The following TENM4 variants were observed in gnomAD, a reference collection of about 807,000 sequenced individuals.
TENM4 encodes the protein teneurin transmembrane protein 4, also known as teneurin-4.
Under a neutral mutation model 243.3 loss-of-function variants are expected in TENM4, and 82 were observed. The ratio of observed to expected loss-of-function variants is 0.34; its 90% CI spans 0.28 to 0.40. The LOEUF is 0.40. Ranked by LOEUF, TENM4 falls within the 10% of genes least tolerant of loss-of-function variation. The pLI, the probability that TENM4 is intolerant of heterozygous loss-of-function variation, is 1.00. For missense variants in TENM4, 3,138 were observed against 3,673.3 expected (o/e 0.85, Z 3.77); for synonymous variants, 1,412 against 1,456.3 (o/e 0.97, Z 0.69).
intron 12 of TENM4, among the ~76,000 whole-genome samples, chr11:78,836,179 G>A (rs1858109385): frequency 6.6e-6 from 1 of 151,002 alleles, no homozygotes; most frequent in South Asian, 2.1e-4. Context: ...CCAACATGGT[G>A]AAATCCTGTT....
At chr11:78,672,446 G>C (rs1858356152) in intron 30 of TENM4, 117 bp from the exon 31 acceptor site, 20 of 1,052,796 alleles carry the variant, frequency 1.9e-5, no homozygotes, top group Non-Finnish European at 2.7e-5. Flanking sequence ...AGGGAGCACA[G>C]TCCTGCGCAG....
chr11:79,171,262 T>G (rs2135116606), intron 3 of TENM4, among the ~76,000 whole-genome samples: 1 of 152,266 alleles, frequency 6.6e-6, no homozygotes, highest in African/African-American at 2.4e-5. Flanking sequence ...CCTCACCCAG[T>G]ATATGGTATT....
intron 10 of TENM4, among the ~76,000 whole-genome samples, chr11:78,856,554 G>A (rs1473993459): frequency 3.9e-5 from 6 of 152,170 alleles, no homozygotes; most frequent in South Asian, 4.2e-4. Context: ...AGGGGCTCAC[G>A]GTAAAATAGA....
At chr11:78,753,556 G>T (rs934251508) in intron 19 of TENM4, among the ~76,000 whole-genome samples, 1 of 152,176 alleles carries the variant, frequency 6.6e-6, no homozygotes, top group African/African-American at 2.4e-5. Flanking sequence ...AGCATCTGCT[G>T]CCTCATGTTT....
At chr11:79,432,851 G>A (rs189028916) in intron 1 of TENM4, among the ~76,000 whole-genome samples, 2 of 152,302 alleles carry the variant, frequency 1.3e-5, no homozygotes, top group East Asian at 3.9e-4. Context: ...GGATTTAGGA[G>A]CCAGAGAGGC....
At chr11:79,393,895 G>C (rs1033587662) in intron 1 of TENM4, among the ~76,000 whole-genome samples, 3 of 152,212 alleles carry the variant, frequency 2.0e-5, no homozygotes, top group Admixed American at 2.0e-4. Flanking sequence ...CTGGCAGTGG[G>C]GGGTTGGAGG....
chr11:79,164,014 A>G (rs1462350196), intron 3 of TENM4, among the ~76,000 whole-genome samples: 1 of 69,034 alleles, frequency 1.4e-5, no homozygotes, highest in Non-Finnish European at 3.0e-5. Context: ...TATATAGTAT[A>G]TATATAGTAT....
At chr11:78,861,448 C>T (rs559941186) in intron 10 of TENM4, among the ~76,000 whole-genome samples, 97 of 152,332 alleles carry the variant, frequency 6.4e-4, no homozygotes, top group African/African-American at 2.3e-3. Flanking sequence ...CAGAGCTCTT[C>T]CCAGGTCCCA....
intron 6 of TENM4, among the ~76,000 whole-genome samples, chr11:78,981,126 TG>T (rs948515075): frequency 6.6e-6 from 1 of 152,170 alleles, no homozygotes; most frequent in African/African-American, 2.4e-5. Context: ...TAAATGCTGA[TG>T]ATTTTTATAT....
At chr11:79,346,514 C>A (rs1415448384) in intron 1 of TENM4, among the ~76,000 whole-genome samples, 1 of 152,112 alleles carries the variant, frequency 6.6e-6, no homozygotes, top group Non-Finnish European at 1.5e-5. Context: ...TCAACCCCCA[C>A]CTCCCACCAC....
intron 9 of TENM4, among the ~76,000 whole-genome samples, chr11:78,863,803 C>T (rs1858887794): frequency 6.6e-6 from 1 of 152,104 alleles, no homozygotes; most frequent in Non-Finnish European, 1.5e-5. Context: ...ATACACATAC[C>T]CTTTATCCTG....
chr11:78,744,067 A>G (rs1382675606), intron 19 of TENM4, among the ~76,000 whole-genome samples: 1 of 152,254 alleles, frequency 6.6e-6, no homozygotes, highest in Non-Finnish European at 1.5e-5. Context: ...TGCTGATTGA[A>G]TGGGGATCTT....
chr11:78,852,192 A>T (rs1417232673), intron 12 of TENM4, among the ~76,000 whole-genome samples: 13 of 152,342 alleles, frequency 8.5e-5, no homozygotes, highest in Non-Finnish European at 8.8e-5. Flanking sequence ...ACAAAGTGAT[A>T]ATTTCTACAT....
chr11:78,737,964 A>T (rs184889331), intron 20 of TENM4, among the ~76,000 whole-genome samples: 1 of 152,210 alleles, frequency 6.6e-6, no homozygotes. Context: ...GAATTATCCT[A>T]GGACACACAG....
Position 79,123,706 on chromosome 11 carries a change from G to A in TENM4, c.-66+25004C>T, listed in dbSNP as rs1207970631. On this transcript the variant is annotated intron_variant, in intron 4 of 33. Coordinates refer to ENST00000278550, the MANE Select transcript of TENM4 (RefSeq NM_001098816.3). ...CAATGCACACAAAATGTCCCTTTTC[G>A]GGGAAGCCCCATCCTCTCTCCTTCC... Among the ~76,000 whole-genome samples the A allele has an allele frequency of 4.0e-5, 6 of 151,466 alleles. No individual in the cohort carries two copies. The South Asian group carries it at 6.3e-4, about 16-fold the overall frequency.
At position 79,000,967 on chromosome 11, in the gene TENM4, G is replaced by T. The variant is rs1254162268; in HGVS notation, c.493+63771C>A. Reference sequence around the variant, plus strand: ...AATCACTTGAACCCAGGAGGTGGAGGTTGCAGTGAGCTGAGATTGCACCAC... The same window carrying T: ...AATCACTTGAACCCAGGAGGTGGAGTTTGCAGTGAGCTGAGATTGCACCAC... On this transcript the variant is annotated intron_variant, in intron 6 of 33. Transcript: ENST00000278550. Among the ~76,000 whole-genome samples, 20 of 152,328 alleles carry T rather than the reference G, an allele frequency of 1.3e-4. 1 individual carries two copies. The highest frequency in any genetic ancestry group is 2.9e-5 in the Non-Finnish European group (2 of 68,028).
intron 23 of TENM4, among the ~76,000 whole-genome samples, chr11:78,723,240 T>C (rs1431548010): frequency 1.3e-5 from 2 of 152,274 alleles, no homozygotes; most frequent in Non-Finnish European, 2.9e-5. Flanking sequence ...GTCTGGGCGC[T>C]TAGCCATTCA....
chr11:79,421,482 G>A (rs968675474), intron 1 of TENM4, among the ~76,000 whole-genome samples: 1 of 152,108 alleles, frequency 6.6e-6, no homozygotes, highest in African/African-American at 2.4e-5. Context: ...GATTTTTATT[G>A]AAACTATAAC....
chr11:79,064,084 CTTA>C (rs1242468164), intron 6 of TENM4, among the ~76,000 whole-genome samples: 68 of 151,672 alleles, frequency 4.5e-4, no homozygotes, highest in Middle Eastern at 3.4e-3. Flanking sequence ...ATCTCACATA[CTTA>C]TTTTTTTGTG....
Sources: gnomAD v4.1 joint callset for allele counts (sites outside exome capture counted in the v4.1 genomes callset) on GRCh38, gnomAD v4.1.1 for gene constraint, MANE v1.5 for transcripts, NCBI Gene and HGNC (gene_info 2026-07-23, HGNC 2026-07-21) for gene names.